DIAPH3: variants seen among roughly 807,000 people sequenced by gnomAD.
The protein encoded by DIAPH3 is diaphanous related formin 3.
A neutral mutation model predicts 144.3 loss-of-function variants in DIAPH3; 117 were observed. The observed-to-expected ratio is 0.81, with a 90% CI of 0.70 to 0.95. The LOEUF is 0.95. DIAPH3 is among the 40% of genes least tolerant of loss of function. DIAPH3 has a pLI of 0.00. For synonymous variants in DIAPH3, 519 were observed against 488.9 expected (o/e 1.06, Z -0.81); for missense variants, 1,421 against 1,412.7 (o/e 1.01, Z -0.09).
At chr13:60,044,817 G>C (rs1315878227) in intron 4 of DIAPH3, among the ~76,000 whole-genome samples, 1 of 152,084 alleles carries the variant, frequency 6.6e-6, no homozygotes, top group Non-Finnish European at 1.5e-5. Context: ...GGATCCAGTA[G>C]GAGGTAACTG....
In DIAPH3 at chr13:59,859,012, C is replaced by T. The variant is rs966223777; in HGVS notation, c.2737+2395G>A. ...ATGTGATAGCTCACTGAGGAGGTTT[C>T]AAATCTGGAAACTTTTAAATGATGA... On this transcript the variant is annotated intron_variant, in intron 22 of 27. Transcript: ENST00000400324. 4.6e-5 allele frequency among the ~76,000 whole-genome samples: 7 copies of T among 151,986 alleles called. No individual in the cohort carries two copies. In the South Asian group the frequency reaches 6.2e-4, roughly 14 times the overall value.
chr13:60,086,046 T>A (rs2057736134), intron 4 of DIAPH3, among the ~76,000 whole-genome samples: 2 of 152,084 alleles, frequency 1.3e-5, no homozygotes, highest in South Asian at 4.1e-4. Context: ...AGTTTTTCCA[T>A]ATCTGATGAA....
intron 22 of DIAPH3, chr13:59,861,144 G>T: frequency 8.8e-7 from 1 of 1,141,900 alleles, no homozygotes; most frequent in Non-Finnish European, 1.2e-6. Flanking sequence ...TAGAAGGTAG[G>T]GCTAGCAGGT....
intron 20 of DIAPH3, among the ~76,000 whole-genome samples, chr13:59,899,783 G>A (rs933756331): frequency 1.3e-5 from 2 of 152,126 alleles, no homozygotes; most frequent in East Asian, 3.9e-4. Context: ...TTACATGCAC[G>A]TGATATAAAA....
rs997933982 is a variant in DIAPH3, at chr13:59,995,679, T to C, written c.1015-3096A>G. On this transcript the variant is annotated intron_variant, in intron 9 of 27. Transcript: ENST00000400324. ...ACTTAAAGGATGAAATTGTAATTTA[T>C]TGAAACAGAAATGACCACGGGAGAA... 9.9e-5 allele frequency among the ~76,000 whole-genome samples: 15 copies of C among 151,946 alleles called. No homozygotes were observed. In the South Asian group the frequency reaches 1.0e-3, roughly 10 times the overall value.
At chr13:60,064,437 C>T (rs2056883412) in intron 4 of DIAPH3, among the ~76,000 whole-genome samples, 2 of 152,230 alleles carry the variant, frequency 1.3e-5, no homozygotes, top group African/African-American at 4.8e-5. Flanking sequence ...GCATTTGCTG[C>T]TTGTGTCACC....
intron 25 of DIAPH3, among the ~76,000 whole-genome samples, chr13:59,806,127 C>T (rs753202578): frequency 1.5e-4 from 23 of 152,082 alleles, no homozygotes; most frequent in East Asian, 1.9e-4. Flanking sequence ...TTTCTCTCTT[C>T]CTCCATCATC....
intron 25 of DIAPH3, among the ~76,000 whole-genome samples, chr13:59,791,163 T>C (rs2039306389): frequency 6.6e-6 from 1 of 152,098 alleles, no homozygotes; most frequent in African/African-American, 2.4e-5. Flanking sequence ...AAAGACAGGA[T>C]CTCACTATAT....
At chr13:59,867,962 A>G (rs17057427) in intron 21 of DIAPH3, among the ~76,000 whole-genome samples, 2,336 of 152,248 alleles carry the variant, frequency 0.015, 73 homozygotes, top group African/African-American at 0.054. Context: ...TAAAAAAGAT[A>G]CAAGATACTG....
At chr13:59,970,170 G>A (rs151160546) in intron 16 of DIAPH3, 112 bp from the exon 17 acceptor site, 454 of 506,528 alleles carry the variant, frequency 9.0e-4, no homozygotes, top group African/African-American at 7.4e-3. Flanking sequence ...TTATAAAGTC[G>A]TATCTGTAAG....
chr13:59,881,908 A>T (rs9563772), intron 20 of DIAPH3, among the ~76,000 whole-genome samples: 85,777 of 152,002 alleles, frequency 0.56, 25,720 homozygotes, highest in East Asian at 0.74. Context: ...TTAATAAATA[A>T]AATTATTGAG....
intron 27 of DIAPH3, among the ~76,000 whole-genome samples, chr13:59,740,824 G>A (rs550543042): frequency 1.3e-5 from 2 of 152,086 alleles, no homozygotes; most frequent in African/African-American, 2.4e-5. Context: ...AAGGAATAGA[G>A]GTCAGGAAAT....
chr13:59,914,781 C>T (rs949328913), intron 19 of DIAPH3, among the ~76,000 whole-genome samples: 3 of 152,012 alleles, frequency 2.0e-5, no homozygotes, highest in African/African-American at 4.8e-5. Flanking sequence ...CTAGAGCCTA[C>T]GAAAAGAAAC....
intron 17 of DIAPH3, among the ~76,000 whole-genome samples, chr13:59,959,749 G>A (rs957802196): frequency 6.6e-6 from 1 of 152,142 alleles, no homozygotes; most frequent in African/African-American, 2.4e-5. Context: ...AGATTAGTGA[G>A]ACCCATACTG....
chr13:60,019,258 C>T (rs189677349), intron 5 of DIAPH3, among the ~76,000 whole-genome samples: 120 of 152,200 alleles, frequency 7.9e-4, no homozygotes, highest in Admixed American at 1.6e-3. Flanking sequence ...TTAATTTCCA[C>T]GAACTAAAAT....
intron 27 of DIAPH3, among the ~76,000 whole-genome samples, chr13:59,670,573 T>C (rs551498071): frequency 2.8e-4 from 41 of 149,048 alleles, no homozygotes; most frequent in African/African-American, 9.2e-4. Flanking sequence ...GTGCTCAAGC[T>C]GGAAGTTCAC....
chr13:59,814,488 C>T lies in DIAPH3; in HGVS notation c.3028-3565G>A, dbSNP rs528645755. 7.9e-5 allele frequency among the ~76,000 whole-genome samples: 12 copies of T among 152,102 alleles called. No homozygotes were observed. In the South Asian group the frequency reaches 1.7e-3, roughly 21 times the overall value. On this transcript the variant is annotated intron_variant, in intron 24 of 27. Coordinates refer to ENST00000400324, the MANE Select transcript of DIAPH3 (RefSeq NM_001042517.2). ...AATAGGTGAGTCTGAGACTAATATC[C>T]GAGTTCAAACAGTAATTTGAGATTT...
At chr13:60,018,875 G>A (rs541482451) in intron 5 of DIAPH3, among the ~76,000 whole-genome samples, 1 of 152,182 alleles carries the variant, frequency 6.6e-6, no homozygotes, top group African/African-American at 2.4e-5. Flanking sequence ...AGAATTAAAA[G>A]AAAGCTAACA....
At chr13:60,027,601 A>G (rs866556351) in intron 5 of DIAPH3, among the ~76,000 whole-genome samples, 1 of 152,228 alleles carries the variant, frequency 6.6e-6, no homozygotes, top group Non-Finnish European at 1.5e-5. Flanking sequence ...TGACCTTTAG[A>G]TGAAAAAACA....
Sources: allele counts gnomAD v4.1 joint callset (sites outside exome capture counted in the v4.1 genomes callset), GRCh38; gene constraint gnomAD v4.1.1; transcripts MANE v1.5; gene names NCBI Gene and HGNC (gene_info 2026-07-23, HGNC 2026-07-21).